SLC30A5: variants seen among roughly 807,000 people sequenced by gnomAD.
SLC30A5 encodes solute carrier family 30 member 5, also known as proton-coupled zinc antiporter SLC30A5.
SLC30A5 carries 33 observed loss-of-function variants against 79.6 expected under a neutral mutation model. That is an observed-to-expected ratio of 0.41 (90% CI 0.31 to 0.55). The LOEUF (loss-of-function observed/expected upper bound fraction) is 0.55, where lower values mean the gene tolerates loss of function less well. SLC30A5 is among the 20% of genes least tolerant of loss of function. The pLI is 0.20. For missense variants in SLC30A5, 788 were observed against 928.1 expected (o/e 0.85, Z 1.96); for synonymous variants, 299 against 319.7 (o/e 0.94, Z 0.69).
At chr5:69,124,697 T>A (rs373611364) in intron 14 of SLC30A5, among the ~76,000 whole-genome samples, 1 of 152,250 alleles carries the variant, frequency 6.6e-6, no homozygotes, top group East Asian at 1.9e-4. Context: ...TGCCTCAGCC[T>A]CCCAAGTTGC....
chr5:69,123,121 G>A, intron 13 of SLC30A5, 78 bp from the exon 14 acceptor site: 1 of 936,374 alleles, frequency 1.1e-6, no homozygotes. Flanking sequence ...TAGGTATCCA[G>A]TAATATTAGT....
intron 12 of SLC30A5, among the ~76,000 whole-genome samples, chr5:69,120,836 T>C (rs1347748247): frequency 6.6e-6 from 1 of 152,220 alleles, no homozygotes; most frequent in Admixed American, 6.5e-5. Flanking sequence ...ATAAAACAAA[T>C]GGATTGCTTT....
At chr5:69,099,600 T>G (rs1179412027) in intron 1 of SLC30A5, among the ~76,000 whole-genome samples, 1 of 152,140 alleles carries the variant, frequency 6.6e-6, no homozygotes, top group Admixed American at 6.6e-5. Flanking sequence ...CTCATTCCCC[T>G]CCTGAGGTGT....
At chr5:69,117,172 GT>G (rs1374069305) in intron 10 of SLC30A5, 66 bp from the exon 11 acceptor site, 1 of 1,346,830 alleles carries the variant, frequency 7.4e-7, no homozygotes, top group African/African-American at 1.5e-5. Context: ...ATAATTAAGG[GT>G]TAAAATCCTC....
chr5:69,104,547 A>C (rs1333501052), intron 3 of SLC30A5, 84 bp from the exon 4 acceptor site: 28 of 1,429,112 alleles, frequency 2.0e-5, no homozygotes, highest in Non-Finnish European at 2.5e-5. Context: ...TGTTATTATT[A>C]TCTTTCTGTA....
At chr5:69,125,921 C>A (rs1252077004) in intron 14 of SLC30A5, among the ~76,000 whole-genome samples, 2 of 142,574 alleles carry the variant, frequency 1.4e-5, no homozygotes, top group African/African-American at 5.3e-5. Context: ...TAGTATCGCA[C>A]ACCTGTAATC....
Position 69,104,676 on chromosome 5 carries a change from C to G in SLC30A5, c.319C>G (p.Leu107Val), listed in dbSNP as rs1561289167. The G allele has an allele frequency of 6.3e-7, 1 of 1,583,792 alleles. No homozygotes were observed. The highest frequency in any genetic ancestry group is 8.6e-7 in the Non-Finnish European group (1 of 1,168,474). ...TGCAGTTGCTGGGTGTATTATTTCA[C>G]TCTTGTGGTTTTTTGGCCTCACTCT... ...KHAVAGCIISLLWFFGLTLCG... is the reference protein window; with the variant it reads ...KHAVAGCIISVLWFFGLTLCG... Residue 107 changes from leucine (L) to valine (V), a missense_variant, in exon 4 of 16, where the codon CTC (leucine) becomes GTC (valine). By Grantham distance (32) the Leu-to-Val change is conservative. This residue lies in a region of SLC30A5 where 626 missense variants were observed against 755.5 expected (regional missense o/e 0.83). Transcript: ENST00000396591.
rs1434155766 is a variant in SLC30A5 at position 69,115,971 on chromosome 5, G to A, written c.829G>A (p.Val277Ile). Residue 277 changes from valine to isoleucine, a missense_variant, in exon 9 of 16, where the codon GTT (valine) becomes ATT (isoleucine). By Grantham distance (29) the Val-to-Ile change is conservative. This residue lies in a region of SLC30A5 where 626 missense variants were observed against 755.5 expected (regional missense o/e 0.83). Coordinates refer to ENST00000396591, the MANE Select transcript of SLC30A5 (RefSeq NM_022902.5). The part of the protein sequence containing the change: ...WFSLIMPFAT[V>I]IFFVMILDFY... ...TTCTCTCATTATGCCTTTTGCAACG[G>A]TTATCTTTTTTGTCATGATCCTGGA... The A allele has an allele frequency of 1.2e-5, 20 of 1,613,740 alleles. No homozygotes were observed. Among genetic ancestry groups the A allele is most frequent in the Non-Finnish European group, 1.6e-5 (19 of 1,179,910 alleles).
At chr5:69,129,141 T>C (rs1285246867) in intron 15 of SLC30A5, among the ~76,000 whole-genome samples, 2 of 152,210 alleles carry the variant, frequency 1.3e-5, no homozygotes, top group Non-Finnish European at 2.9e-5. Flanking sequence ...ACAGGTTTAA[T>C]ATTCCTTATC....
At chr5:69,104,828 CT>C (rs1223857555) in intron 4 of SLC30A5, 112 bp downstream of exon 4, 4 of 1,067,394 alleles carry the variant, frequency 3.7e-6, no homozygotes, top group Non-Finnish European at 5.3e-6. Context: ...GTGTCTAGCA[CT>C]TTTATAGCAT....
Position 69,129,562 on chromosome 5 carries a change from T to C in SLC30A5, c.2243T>C (p.Met748Thr), listed in dbSNP as rs1380110334. The change falls in exon 16 of 16, where the codon ATG becomes ACG. Residue 748 changes from methionine to threonine, a missense_variant. Physicochemically the swap from Met to Thr is moderately conservative, Grantham distance 81. Around this residue, in one of 3 missense-constraint regions of SLC30A5, gnomAD observed 158 missense variants for 156.2 expected, o/e 1.01. Coordinates refer to ENST00000396591, the MANE Select transcript of SLC30A5 (RefSeq NM_022902.5). ...LSTGFHDVLA[M>T]TKQMESMKYC... Reference sequence around the variant, plus strand: ...ACTGGATTTCATGATGTTCTGGCTATGACAAAACAAATGGAATCCATGAAA... The same window carrying C: ...ACTGGATTTCATGATGTTCTGGCTACGACAAAACAAATGGAATCCATGAAA... 1 of 1,613,194 alleles carries C rather than the reference T, an allele frequency of 6.2e-7. No homozygotes were observed. The highest frequency in any genetic ancestry group is 1.3e-5 in the African/African-American group (1 of 74,912).
chr5:69,094,380 C>T, intron 1 of SLC30A5, 42 bp downstream of exon 1: 1 of 1,242,940 alleles, frequency 8.0e-7, no homozygotes, highest in Non-Finnish European at 1.0e-6. Flanking sequence ...CCGGGTCGCT[C>T]AGGATGCACT....
intron 5 of SLC30A5, among the ~76,000 whole-genome samples, chr5:69,112,462 T>G (rs188086024): frequency 2.6e-4 from 39 of 152,042 alleles, no homozygotes; most frequent in African/African-American, 8.5e-4. Context: ...AAATAAAAAA[T>G]TAACCAGGCA....
chr5:69,124,112 C>CAA (rs1235473113), intron 14 of SLC30A5, among the ~76,000 whole-genome samples: 19,643 of 94,444 alleles, frequency 0.21, 2,496 homozygotes, highest in East Asian at 0.38. Flanking sequence ...GACTCCACCT[C>CAA]AAAAAAAAAA....
chr5:69,119,792 G>A (rs1746486218), intron 12 of SLC30A5, among the ~76,000 whole-genome samples: 1 of 152,102 alleles, frequency 6.6e-6, no homozygotes. Context: ...GGCCGAGGTG[G>A]TTGGATCACC....
At chr5:69,118,965 T>C (rs1037293551) in intron 12 of SLC30A5, among the ~76,000 whole-genome samples, 4 of 152,078 alleles carry the variant, frequency 2.6e-5, no homozygotes, top group African/African-American at 9.7e-5. Flanking sequence ...CACCCCCTGC[T>C]AAATTTTGTA....
At chr5:69,111,465 T>C (rs1746231396) in intron 5 of SLC30A5, among the ~76,000 whole-genome samples, 1 of 151,926 alleles carries the variant, frequency 6.6e-6, no homozygotes, top group Non-Finnish European at 1.5e-5. Flanking sequence ...CCACTGCGCC[T>C]GGCCTAATTT....
Position 69,116,116 on chromosome 5 carries a change from C to T in SLC30A5, c.974C>T (p.Thr325Ile). ...LFGNFWTHPI[T>I]DQLRAMNKAA... ...GGAAATTTTTGGACACATCCAATAA[C>T]AGACCAGCTTCGGGCTATGAACAAA... Residue 325 changes from threonine (T) to isoleucine (I), a missense_variant, in exon 9 of 16, where the codon ACA becomes ATA. Coordinates refer to ENST00000396591, the MANE Select transcript of SLC30A5 (RefSeq NM_022902.5). The surrounding 1 kb of genome is among the most constrained non-coding windows in gnomAD (Gnocchi z 4.0). 6.2e-7 allele frequency: 1 copy of T among 1,614,174 alleles called. No individual in the cohort carries two copies. Among genetic ancestry groups the T allele is most frequent in the Non-Finnish European group, 8.5e-7 (1 of 1,180,026 alleles).
At chr5:69,115,829 T>C (rs1001789221) in intron 8 of SLC30A5, 97 bp from the exon 9 acceptor site, 1 of 1,010,020 alleles carries the variant, frequency 9.9e-7, no homozygotes, top group Non-Finnish European at 1.5e-6. Context: ...TATTGAATCA[T>C]GCGATTTTTA....
Sources: allele counts gnomAD v4.1 joint callset (sites outside exome capture counted in the v4.1 genomes callset), GRCh38; gene constraint gnomAD v4.1.1; regional missense constraint gnomAD v4.1.1; non-coding constraint Gnocchi (gnomAD v3.1); transcripts MANE v1.5; gene names NCBI Gene and HGNC (gene_info 2026-07-23, HGNC 2026-07-21).